Variants in AP1G2 observed in about 807,000 individuals in gnomAD.
AP1G2 encodes the protein adaptor related protein complex 1 subunit gamma 2.
Under a neutral mutation model 95.8 loss-of-function variants are expected in AP1G2, and 85 were observed. That is an observed-to-expected ratio of 0.89 (90% confidence interval 0.74 to 1.06). The LOEUF (loss-of-function observed/expected upper bound fraction) is 1.06, where lower values mean the gene tolerates loss of function less well. Ranked by LOEUF, AP1G2 falls within the 50% of genes least tolerant of loss-of-function variation. The probability of loss-of-function intolerance (pLI) is 0.00; values close to 1 mark genes in which losing one functional copy is unlikely to be tolerated. For missense variants in AP1G2, 967 were observed against 1,005.8 expected (o/e 0.96, Z 0.52); for synonymous variants, 378 against 400.0 (o/e 0.94, Z 0.66).
In AP1G2 at chr14:23,562,497, G is replaced by T. The variant is rs1296101355; in HGVS notation, c.1500+7C>A. ...CCCTCCTCAGTGTACCCCCAATGAG[G>T]TCTCACCTGAAGGGGCTCAATCTCC... On this transcript the variant is annotated splice_region_variant and intron_variant, in intron 15 of 21. Coordinates refer to ENST00000397120, the MANE Select transcript of AP1G2 (RefSeq NM_003917.5). The T allele has an allele frequency of 1.2e-6, 2 of 1,614,056 alleles. No individual in the cohort carries two copies. Among genetic ancestry groups the T allele is most frequent in the African/African-American group, 2.7e-5 (2 of 74,942 alleles).
In AP1G2 at chr14:23,560,307, T is replaced by C. The variant is rs761830675; in HGVS notation, c.2105A>G (p.Asn702Ser). The change falls in exon 20 of 22, where the codon AAC (asparagine) becomes AGC (serine). Residue 702 changes from asparagine to serine, a missense_variant. Asn to Ser is a conservative substitution (Grantham distance 46). Transcript: ENST00000397120. ...ATGGGTGACATCACCCTCTGAGAAG[T>C]TGGTGGCAGTGATGGTGATTAACAG... The part of the protein sequence containing the change: ...ALLLITITAT[N>S]FSEGDVTHFI... 13 of 1,613,960 alleles carry C rather than the reference T, an allele frequency of 8.1e-6. No homozygotes were observed. The highest frequency in any genetic ancestry group is 4.5e-5 in the East Asian group (2 of 44,874).
At position 23,559,589 on chromosome 14, in the gene AP1G2, T is replaced by C. The variant is rs1883050873; in HGVS notation, c.*160A>G. 1.6e-6 allele frequency: 1 copy of C among 640,442 alleles called. No homozygotes were observed. Among genetic ancestry groups the C allele is most frequent in the African/African-American group, 1.8e-5 (1 of 54,684 alleles). The allele number at this position is 640,442 out of a possible 1,614,324, so 39.7% of individuals were successfully genotyped here. On this transcript the variant is annotated 3_prime_UTR_variant, in exon 22 of 22. Transcript: ENST00000397120. Reference sequence around the variant, plus strand: ...ATATGGCTTTCCTCACTTCTCAGGCTTTATTGGGCTTTATTTGTGGGAGAA... The same window carrying C: ...ATATGGCTTTCCTCACTTCTCAGGCCTTATTGGGCTTTATTTGTGGGAGAA...
chr14:23,563,797 T>C lies in AP1G2; in HGVS notation c.1151A>G (p.Gln384Arg), dbSNP rs1272218693. 1.2e-6 allele frequency: 2 copies of C among 1,614,160 alleles called. No homozygotes were observed. Among genetic ancestry groups the C allele is most frequent in the Middle Eastern group, 3.3e-4 (2 of 6,062 alleles). ...VNSSNVRAMM[Q>R]ELQAFLESCP... ...GGACTCCAGAAAGGCCTGCAGCTCT[T>C]GCATCATGGCTCGCACATTGGAGCT... The change falls in exon 12 of 22, where the codon CAA becomes CGA. Residue 384 changes from glutamine to arginine, a missense_variant. Coordinates refer to ENST00000397120, the MANE Select transcript of AP1G2 (RefSeq NM_003917.5).
chr14:23,562,452 G>A (rs771334056), intron 15 of AP1G2, 37 bp from the exon 16 acceptor site: 3 of 1,613,976 alleles, frequency 1.9e-6, no homozygotes, highest in Admixed American at 3.3e-5. Flanking sequence ...CCTGGTGCAA[G>A]TCCTGTCCCC....
chr14:23,565,431 T>G, intron 7 of AP1G2, 175 bp downstream of exon 7: 1 of 729,620 alleles, frequency 1.4e-6, no homozygotes, highest in South Asian at 1.9e-5. Context: ...TTCCTGACTT[T>G]TAGGCATTCC....
chr14:23,567,181 A>C lies in AP1G2; in HGVS notation c.134T>G (p.Val45Gly), dbSNP rs766223397. 1 of 1,613,118 alleles carries C rather than the reference A, an allele frequency of 6.2e-7. No homozygotes were observed. Among genetic ancestry groups the C allele is most frequent in the Non-Finnish European group, 8.5e-7 (1 of 1,179,442 alleles). Residue 45 changes from valine to glycine, a missense_variant, in exon 2 of 22, where the codon GTG becomes GGG. Val to Gly is a moderately radical substitution (Grantham distance 109). Transcript: ENST00000397120. The surrounding 1 kb of genome is among the most constrained non-coding windows in gnomAD (Gnocchi z 5.3). ...IRASFRDGDP[V>G]HRHRQLAKLL... ...TTTGGCCAGCTGCCGGTGCCTGTGC[A>C]CTGGGTCCCCGTCGCGGAAGGAGGC... is the stretch of plus-strand genomic sequence containing the variant.
rs142985965 is a variant in AP1G2 at position 23,565,157 on chromosome 14, C to T, written c.784G>A (p.Glu262Lys). 5.0e-6 allele frequency: 8 copies of T among 1,614,102 alleles called. No individual in the cohort carries two copies. Among genetic ancestry groups the T allele is most frequent in the Admixed American group, 3.3e-5 (2 of 60,010 alleles). The stretch of plus-strand genomic sequence containing the variant: ...TCATTCATGGTCTCACTGCTCTCCT[C>T]GTGGTTCCGGCCCAGGATCCGAAGC... ...RLLRILGRNH[E>K]ESSETMNDLL... is the part of the protein sequence containing the mutation. The change falls in exon 8 of 22, where the codon GAG becomes AAG. Residue 262 changes from glutamate (E) to lysine (K), a missense_variant. Physicochemically the swap from Glu to Lys is moderately conservative, Grantham distance 56. Transcript: ENST00000397120.
chr14:23,566,778 C>A, intron 2 of AP1G2, 92 bp from the exon 3 acceptor site: 1 of 1,526,238 alleles, frequency 6.6e-7, no homozygotes, highest in Non-Finnish European at 9.0e-7. Context: ...ACCAGATTAA[C>A]CTGTGGGGCA....
Position 23,566,751 on chromosome 14 carries a change from C to G in AP1G2, c.205-65G>C, listed in dbSNP as rs992017762. The G allele has an allele frequency of 6.9e-6, 11 of 1,584,980 alleles. No homozygotes were observed. The African/African-American group carries it at 1.5e-4, about 21-fold the overall frequency. On this transcript the variant is annotated intron_variant, in intron 2 of 21. Transcript: ENST00000397120. ...AACCATAGACACTCACATCCCTGTTCCATCTTCCTCTTTAAAACCAGATTA... is the reference window on the plus strand; with the variant it reads ...AACCATAGACACTCACATCCCTGTTGCATCTTCCTCTTTAAAACCAGATTA...
In AP1G2 at chr14:23,563,496, T is replaced by G. The variant is rs1259890814; in HGVS notation, c.1294A>C (p.Thr432Pro). The G allele has an allele frequency of 6.2e-7, 1 of 1,614,166 alleles. No individual in the cohort carries two copies. The highest frequency in any genetic ancestry group is 1.7e-5 in the Admixed American group (1 of 60,026). The change falls in exon 14 of 22, where the codon ACC (threonine) becomes CCC (proline). Residue 432 changes from threonine to proline, a missense_variant. Physicochemically the swap from Thr to Pro is conservative, Grantham distance 38. Coordinates refer to ENST00000397120, the MANE Select transcript of AP1G2 (RefSeq NM_003917.5). The stretch of plus-strand genomic sequence containing the variant: ...GCCACTGCATCATCCCGCACATGGG[T>G]GCCCGCCTGGAAGGTGTGGGCATGG... Reference protein sequence around the residue: ...TILHVLTTAGTHVRDDAVANL... With the variant: ...TILHVLTTAGPHVRDDAVANL...
In AP1G2 at chr14:23,566,847, T is replaced by C. The variant is rs558379430; in HGVS notation, c.205-161A>G. On this transcript the variant is annotated intron_variant, in intron 2 of 21. Coordinates refer to ENST00000397120, the MANE Select transcript of AP1G2 (RefSeq NM_003917.5). The stretch of plus-strand genomic sequence containing the variant: ...GAAGCTTAGGAAATTCAGGCGTTAG[T>C]GGGTAGGAGGAACTAGGAGTTGAGG... 279 of 1,119,098 alleles carry C rather than the reference T, an allele frequency of 2.5e-4. 3 individuals carry two copies. The African/African-American group carries it at 4.2e-3, about 17-fold the overall frequency. 69.3% of individuals were successfully genotyped at this position (1,119,098 alleles called of 1,614,324 possible).
chr14:23,561,486 T>C, intron 18 of AP1G2, 26 bp downstream of exon 18: 2 of 1,614,104 alleles, frequency 1.2e-6, no homozygotes, highest in South Asian at 1.1e-5. Context: ...CCCGTCTTCC[T>C]ACCCCAGAGT....
chr14:23,564,023 C>G (rs777279920), intron 11 of AP1G2, 23 bp downstream of exon 11: 9 of 1,613,504 alleles, frequency 5.6e-6, no homozygotes, highest in Non-Finnish European at 6.8e-6. Flanking sequence ...CCCTGCCCTC[C>G]TGTCCCCTCT....
rs757540992 is a variant in AP1G2 at position 23,559,791 on chromosome 14, C to T, written c.2316G>A (p.Glu772=). Residue 772 remains glutamate, a synonymous_variant, in exon 22 of 22, where the codon GAG becomes GAA. Coordinates refer to ENST00000397120, the MANE Select transcript of AP1G2 (RefSeq NM_003917.5). ...CAGGCAAGTTGTTCACCTCAAAGAT[C>T]TCCTGCACCGACTGGTGAAAGTGGT... ...TYDHFHQSVQ[E]IFEVNNLPVE... 8 of 1,614,154 alleles carry T rather than the reference C, an allele frequency of 5.0e-6. No homozygotes were observed. Among genetic ancestry groups the T allele is most frequent in the Non-Finnish European group, 2.5e-6 (3 of 1,180,026 alleles).
chr14:23,561,798 A>C lies in AP1G2; in HGVS notation c.1734-163T>G, dbSNP rs1279913965. 4 of 1,466,338 alleles carry C rather than the reference A, an allele frequency of 2.7e-6. No individual in the cohort carries two copies. In the East Asian group the frequency reaches 7.4e-5, roughly 27 times the overall value. 90.8% of individuals were successfully genotyped at this position (1,466,338 alleles called of 1,614,324 possible). ...TGTTGTTGCTGATTTTCAGATGAAC[A>C]AGGAGGGTTGGAAGCCAGCTTAGCT... On this transcript the variant is annotated intron_variant, in intron 17 of 21. Coordinates refer to ENST00000397120, the MANE Select transcript of AP1G2 (RefSeq NM_003917.5).
intron 19 of AP1G2, 179 bp downstream of exon 19, chr14:23,561,117 G>T (rs1884357676): frequency 9.0e-6 from 12 of 1,333,368 alleles, no homozygotes; most frequent in African/African-American, 2.9e-5. Flanking sequence ...AAGAAGTCTG[G>T]AACAAAGGGA....
Position 23,567,125 on chromosome 14 carries a change from C to G in AP1G2, c.190G>C (p.Ala64Pro), listed in dbSNP as rs757612665. 3 of 1,609,614 alleles carry G rather than the reference C, an allele frequency of 1.9e-6. No individual in the cohort carries two copies. Among genetic ancestry groups the G allele is most frequent in the Non-Finnish European group, 2.5e-6 (3 of 1,178,020 alleles). The stretch of plus-strand genomic sequence containing the variant: ...CTGGCCAGTACCTGTCCAAAGTGGG[C>G]GGGGTAGCCCAACATGTGGACGTAG... ...LLYVHMLGYPAHFGQMECLKL... is the reference protein window; with the variant it reads ...LLYVHMLGYPPHFGQMECLKL... Residue 64 changes from alanine to proline, a missense_variant, in exon 2 of 22, where the codon GCC becomes CCC. Ala to Pro is a conservative substitution (Grantham distance 27). Coordinates refer to ENST00000397120, the MANE Select transcript of AP1G2 (RefSeq NM_003917.5). The surrounding 1 kb of genome is among the most constrained non-coding windows in gnomAD (Gnocchi z 5.3).
chr14:23,559,860 G>C lies in AP1G2; in HGVS notation c.2257-10C>G. 6.2e-7 allele frequency: 1 copy of C among 1,613,978 alleles called. No individual in the cohort carries two copies. Among genetic ancestry groups the C allele is most frequent in the East Asian group, 2.2e-5 (1 of 44,882 alleles). On this transcript the variant is annotated splice_polypyrimidine_tract_variant and intron_variant, in intron 21 of 21. Coordinates refer to ENST00000397120, the MANE Select transcript of AP1G2 (RefSeq NM_003917.5). ...TTAGCCGCAGGGGGGCCTAGGAATA[G>C]GAGAGCAGGGACCAGGGTTAGCACC... is the stretch of plus-strand genomic sequence containing the variant.
chr14:23,563,635 A>C lies in AP1G2; in HGVS notation c.1236T>G (p.Phe412Leu). Residue 412 changes from phenylalanine (F) to leucine (L), a missense_variant, in exon 13 of 22, where the codon TTT (phenylalanine) becomes TTG (leucine). By Grantham distance (22) the Phe-to-Leu change is conservative. Coordinates refer to ENST00000397120, the MANE Select transcript of AP1G2 (RefSeq NM_003917.5). ...CTATGTGCCAGCGTTTGGTTGGAGCAAACCTAGGGGATATATGGCTCATCA... is the reference window on the plus strand; with the variant it reads ...CTATGTGCCAGCGTTTGGTTGGAGCCAACCTAGGGGATATATGGCTCATCA... ...ASGILLAAER[F>L]APTKRWHIDT... 6.2e-7 allele frequency: 1 copy of C among 1,614,186 alleles called. No individual in the cohort carries two copies. The highest frequency in any genetic ancestry group is 1.3e-5 in the African/African-American group (1 of 75,040).
Sources: gnomAD v4.1 joint callset for allele counts on GRCh38, gnomAD v4.1.1 for gene constraint, Gnocchi (gnomAD v3.1) non-coding constraint, MANE v1.5 for transcripts, NCBI Gene and HGNC (gene_info 2026-07-23, HGNC 2026-07-21) for gene names.